SHPRH: variants seen among roughly 807,000 people sequenced by gnomAD.
SHPRH encodes SNF2 histone linker PHD RING helicase.
SHPRH carries 106 observed loss-of-function variants against 202.5 expected under a neutral mutation model. That is an observed-to-expected ratio of 0.52 (90% confidence interval 0.45 to 0.62). The LOEUF is 0.62. SHPRH is among the 20% of genes least tolerant of loss of function. The probability of loss-of-function intolerance (pLI) is 0.00; values close to 1 mark genes in which losing one functional copy is unlikely to be tolerated. For synonymous variants in SHPRH, 729 were observed against 686.0 expected (o/e 1.06, Z -0.98); for missense variants, 1,710 against 2,020.0 (o/e 0.85, Z 2.94).
chr6:145,963,685 C>A (rs1393762821), intron 1 of SHPRH, 46 bp downstream of exon 1: 1 of 152,216 alleles, frequency 6.6e-6, no homozygotes, highest in Non-Finnish European at 1.5e-5. Context: ...GAGGCGGCGA[C>A]CCAGTTCCAG....
intron 3 of SHPRH, chr6:145,951,891 C>T: frequency 2.2e-6 from 1 of 455,978 alleles, no homozygotes. Context: ...GCAGACAACT[C>T]TGAATCTGCA....
At position 145,955,182 on chromosome 6, in the gene SHPRH, T is replaced by C. The variant is rs1404046343; in HGVS notation, c.141A>G (p.Ser47=). Residue 47 remains serine, a synonymous_variant, in exon 2 of 30, where the codon TCA becomes TCG. Coordinates refer to ENST00000275233, the MANE Select transcript of SHPRH (RefSeq NM_001042683.3). ...SDDDEQPCPG[S]DTSSAHYIIL... ...TGATATAATGAGCAGAAGAGGTATCTGAACCTGGGCAGGGCTGCTCGTCAT... is the reference window on the plus strand; with the variant it reads ...TGATATAATGAGCAGAAGAGGTATCCGAACCTGGGCAGGGCTGCTCGTCAT... The C allele has an allele frequency of 6.2e-7, 1 of 1,613,880 alleles. No homozygotes were observed. Among genetic ancestry groups the C allele is most frequent in the South Asian group, 1.1e-5 (1 of 91,084 alleles).
At chr6:145,910,727 A>G (rs1783417844) in intron 24 of SHPRH, 91 bp from the exon 25 acceptor site, 3 of 1,237,698 alleles carry the variant, frequency 2.4e-6, no homozygotes, top group South Asian at 3.9e-5. Context: ...TTTTCCTCCT[A>G]AAGATTTCAT....
intron 23 of SHPRH, among the ~76,000 whole-genome samples, chr6:145,914,972 A>C (rs1036142996): frequency 6.6e-6 from 1 of 151,846 alleles, no homozygotes; most frequent in African/African-American, 2.4e-5. Context: ...ATATTTGTTC[A>C]TTAGTGTTCA....
intron 11 of SHPRH, among the ~76,000 whole-genome samples, chr6:145,937,672 G>A (rs936917637): frequency 5.9e-4 from 90 of 152,186 alleles, no homozygotes; most frequent in African/African-American, 2.0e-3. Context: ...CATCCTCCAT[G>A]GTCCCATCTC....
At chr6:145,936,852 GATTTAT>G (rs1332077253) in intron 11 of SHPRH, among the ~76,000 whole-genome samples, 1 of 151,930 alleles carries the variant, frequency 6.6e-6, no homozygotes, top group Non-Finnish European at 1.5e-5. Flanking sequence ...AAGGTCCACA[GATTTAT>G]ATTTTTAGCT....
intron 13 of SHPRH, 125 bp from the exon 14 acceptor site, chr6:145,933,303 T>C (rs1785673155): frequency 7.2e-7 from 1 of 1,383,558 alleles, no homozygotes; most frequent in Non-Finnish European, 9.7e-7. Context: ...TCTCTAGCAT[T>C]TTTTTTCGCC....
At position 145,897,713 on chromosome 6, in the gene SHPRH, A is replaced by G. The variant is rs563033518; in HGVS notation, c.4516-2736T>C. On this transcript the variant is annotated intron_variant, in intron 25 of 29. Transcript: ENST00000275233. ...CAACAGGGATTTACCTCTGGCATGCAAGGATGGTTTAACGTATGCAAACCA... is the reference window on the plus strand; with the variant it reads ...CAACAGGGATTTACCTCTGGCATGCGAGGATGGTTTAACGTATGCAAACCA... Among the ~76,000 whole-genome samples, 3 of 152,284 alleles carry G rather than the reference A, an allele frequency of 2.0e-5. No homozygotes were observed. The East Asian group carries it at 5.8e-4, about 29-fold the overall frequency.
chr6:145,954,840 C>G lies in SHPRH; in HGVS notation c.483G>C (p.Glu161Asp). The G allele has an allele frequency of 3.1e-6, 5 of 1,613,298 alleles. No individual in the cohort carries two copies. The highest frequency in any genetic ancestry group is 4.2e-6 in the Non-Finnish European group (5 of 1,179,672). Residue 161 changes from glutamate (E) to aspartate (D), a missense_variant, in exon 2 of 30, where the codon GAG (glutamate) becomes GAC (aspartate). Physicochemically the swap from Glu to Asp is conservative, Grantham distance 45. This residue lies in a region of SHPRH where 459 missense variants were observed against 426.5 expected (regional missense o/e 1.08). Coordinates refer to ENST00000275233, the MANE Select transcript of SHPRH (RefSeq NM_001042683.3). ...IYVHSKGEDV[E>D]KQKKEPMSIC... ...TACTCATCGGTTCTTTTTTTTGTTTCTCTACATCTTCACCTTTTGAATGAA... is the reference window on the plus strand; with the variant it reads ...TACTCATCGGTTCTTTTTTTTGTTTGTCTACATCTTCACCTTTTGAATGAA...
chr6:145,906,177 T>C (rs1782940834), intron 25 of SHPRH: 1 of 152,028 alleles, frequency 6.6e-6, no homozygotes, highest in Non-Finnish European at 1.5e-5. Flanking sequence ...AGCCCAGTTA[T>C]CCCAACTCTA....
chr6:145,944,029 TGAAAAATTA>T (rs1198199040), intron 8 of SHPRH, among the ~76,000 whole-genome samples: 9 of 152,196 alleles, frequency 5.9e-5, no homozygotes, highest in Admixed American at 5.9e-4. Flanking sequence ...TTTGGAGAGA[TGAAAAATTA>T]GAAAGATAAA....
intron 14 of SHPRH, among the ~76,000 whole-genome samples, chr6:145,927,982 CT>C (rs1317029987): frequency 1.3e-5 from 2 of 151,952 alleles, no homozygotes; most frequent in Non-Finnish European, 1.5e-5. Flanking sequence ...CATTTCTACC[CT>C]CTGCCTATCT....
the SHPRH span, among the ~76,000 whole-genome samples, chr6:145,859,213 G>C: frequency 2.6e-5 from 4 of 152,024 alleles, no homozygotes; most frequent in African/African-American, 7.2e-5. Context: ...TTTAAATTGA[G>C]TAGAATGCTA....
At chr6:145,929,837 A>C (rs1430665700) in intron 14 of SHPRH, among the ~76,000 whole-genome samples, 1 of 152,100 alleles carries the variant, frequency 6.6e-6, no homozygotes, top group East Asian at 1.9e-4. Flanking sequence ...CAGAATTTAC[A>C]TTGTGAGCAG....
At chr6:145,950,239 C>T in intron 4 of SHPRH, 25 bp downstream of exon 4, 1 of 1,605,202 alleles carries the variant, frequency 6.2e-7, no homozygotes, top group Non-Finnish European at 8.5e-7. Flanking sequence ...ATCAATTGGA[C>T]TTTCTTTAAA....
At chr6:145,888,450 C>T (rs1041810076) in intron 28 of SHPRH, among the ~76,000 whole-genome samples, 4 of 152,016 alleles carry the variant, frequency 2.6e-5, no homozygotes, top group Admixed American at 6.5e-5. Context: ...CATACACAGT[C>T]CCCGGGAAGG....
chr6:145,919,470 C>T lies in SHPRH; in HGVS notation c.4030G>A (p.Ala1344Thr), dbSNP rs1158218744. The stretch of plus-strand genomic sequence containing the variant: ...ACAGCAGACACACGATTCCTCAGAG[C>T]CATCCAATATTCATGAAGCAACTGA... ...EYKLLHEYWM[A>T]LRNRVSAVDE... The change falls in exon 22 of 30, where the codon GCT (alanine) becomes ACT (threonine). Residue 1344 changes from alanine (A) to threonine (T), a missense_variant. By Grantham distance (58) the Ala-to-Thr change is moderately conservative. Coordinates refer to ENST00000275233, the MANE Select transcript of SHPRH (RefSeq NM_001042683.3). 2 of 1,612,612 alleles carry T rather than the reference C, an allele frequency of 1.2e-6. No individual in the cohort carries two copies. Among genetic ancestry groups the T allele is most frequent in the African/African-American group, 2.7e-5 (2 of 74,816 alleles).
chr6:145,928,652 C>T (rs565206466), intron 14 of SHPRH, among the ~76,000 whole-genome samples: 1 of 152,024 alleles, frequency 6.6e-6, no homozygotes, highest in African/African-American at 2.4e-5. Context: ...ACCATCTCAG[C>T]CCTTTTTAAG....
intron 1 of SHPRH, among the ~76,000 whole-genome samples, chr6:145,957,158 A>T (rs1788588889): frequency 6.6e-6 from 1 of 152,140 alleles, no homozygotes; most frequent in South Asian, 2.1e-4. Context: ...AATGGATACC[A>T]ATATGCAATG....
Sources: gnomAD v4.1 joint callset for allele counts (sites outside exome capture counted in the v4.1 genomes callset) on GRCh38, gnomAD v4.1.1 for gene constraint, gnomAD v4.1.1 regional missense constraint, MANE v1.5 for transcripts, NCBI Gene and HGNC (gene_info 2026-07-23, HGNC 2026-07-21) for gene names.